Variants in PRKCA observed in about 807,000 individuals in gnomAD.
The protein encoded by PRKCA is protein kinase C alpha type.
PRKCA carries 27 observed loss-of-function variants against 87.0 expected under a neutral mutation model. That is an observed-to-expected ratio of 0.31 (90% CI 0.23 to 0.43). PRKCA has a LOEUF of 0.43. Ranked by LOEUF, PRKCA falls within the 20% of genes least tolerant of loss-of-function variation. The pLI, the probability that PRKCA is intolerant of heterozygous loss-of-function variation, is 1.00. For missense variants in PRKCA, 518 were observed against 852.3 expected (o/e 0.61, Z 4.88); for synonymous variants, 329 against 311.1 (o/e 1.06, Z -0.61).
At chr17:66,394,924 G>A (rs532933159) in intron 2 of PRKCA, among the ~76,000 whole-genome samples, 1 of 152,248 alleles carries the variant, frequency 6.6e-6, no homozygotes, top group Non-Finnish European at 1.5e-5. Context: ...ACTGTGGGTC[G>A]GTTAAACTGC....
intron 5 of PRKCA, chr17:66,676,458 C>T (rs917102811): frequency 1.3e-5 from 2 of 152,302 alleles, no homozygotes; most frequent in African/African-American, 2.4e-5. Flanking sequence ...CCACACCAGG[C>T]TTGCCCCGAC....
intron 8 of PRKCA, among the ~76,000 whole-genome samples, chr17:66,708,634 G>A (rs1019540189): frequency 6.6e-5 from 10 of 152,160 alleles, no homozygotes; most frequent in African/African-American, 2.2e-4. Context: ...TATTGCAGAT[G>A]GCAGTTGGAG....
At chr17:66,515,491 A>G (rs1270186468) in intron 3 of PRKCA, among the ~76,000 whole-genome samples, 1 of 152,126 alleles carries the variant, frequency 6.6e-6, no homozygotes, top group Non-Finnish European at 1.5e-5. Flanking sequence ...GAGTTTCTTG[A>G]TCTGCTGATG....
intron 6 of PRKCA, 148 bp from the exon 7 acceptor site, chr17:66,688,154 C>A: frequency 1.1e-6 from 1 of 935,878 alleles, no homozygotes; most frequent in Non-Finnish European, 1.6e-6. Flanking sequence ...TAGCGCTTTG[C>A]TTGCCAGCAT....
In PRKCA at chr17:66,688,285, G is replaced by A. The variant is rs770433964; in HGVS notation, c.687-17G>A. ...GATCAAGATAACCTAGTGTTTGCAT[G>A]TGTGTGTGTCTTGTAGCAAATTGAA... On this transcript the variant is annotated splice_polypyrimidine_tract_variant and intron_variant, in intron 6 of 16. Coordinates refer to ENST00000413366, the MANE Select transcript of PRKCA (RefSeq NM_002737.3). 1.1e-5 allele frequency: 17 copies of A among 1,609,886 alleles called. No homozygotes were observed. Among genetic ancestry groups the A allele is most frequent in the Admixed American group, 3.3e-5 (2 of 59,846 alleles).
chr17:66,780,899 G>A (rs1027793412), intron 14 of PRKCA, among the ~76,000 whole-genome samples: 3 of 152,002 alleles, frequency 2.0e-5, no homozygotes, highest in South Asian at 2.1e-4. Flanking sequence ...CTTGAGGTCA[G>A]GAGTTCAAGA....
intron 2 of PRKCA, among the ~76,000 whole-genome samples, chr17:66,443,165 G>T (rs993064907): frequency 4.6e-5 from 7 of 152,166 alleles, no homozygotes; most frequent in African/African-American, 1.2e-4. Context: ...GTCCATGAGG[G>T]TCTGGAATCA....
At chr17:66,422,721 G>A (rs1912558892) in intron 2 of PRKCA, among the ~76,000 whole-genome samples, 1 of 152,104 alleles carries the variant, frequency 6.6e-6, no homozygotes. Context: ...TTTATATACC[G>A]TGACACTCTT....
At chr17:66,678,588 A>G (rs1210237079) in intron 5 of PRKCA, among the ~76,000 whole-genome samples, 1 of 151,972 alleles carries the variant, frequency 6.6e-6, no homozygotes, top group Non-Finnish European at 1.5e-5. Flanking sequence ...TTCATCTGGC[A>G]GGCACCCCAC....
intron 2 of PRKCA, among the ~76,000 whole-genome samples, chr17:66,389,349 G>A (rs1277037353): frequency 2.6e-5 from 4 of 152,202 alleles, no homozygotes; most frequent in Non-Finnish European, 5.9e-5. Context: ...GCAGCGTAGT[G>A]GATGGGGAGG....
intron 2 of PRKCA, among the ~76,000 whole-genome samples, chr17:66,465,895 G>A (rs1915064013): frequency 6.6e-6 from 1 of 151,884 alleles, no homozygotes; most frequent in South Asian, 2.1e-4. Context: ...CTTTCTTATT[G>A]TGTAAGATTT....
intron 5 of PRKCA, 46 bp from the exon 6 acceptor site, chr17:66,687,065 A>G (rs1972649110): frequency 1.3e-6 from 2 of 1,514,864 alleles, no homozygotes; most frequent in Non-Finnish European, 1.8e-6. Context: ...CGGGCAATAT[A>G]GGTCTGTTCT....
At chr17:66,715,767 G>A (rs1209249300) in intron 8 of PRKCA, among the ~76,000 whole-genome samples, 2 of 151,744 alleles carry the variant, frequency 1.3e-5, no homozygotes, top group Non-Finnish European at 2.9e-5. Flanking sequence ...ATACAATTTT[G>A]TGTCTTGTTT....
chr17:66,645,655 G>A lies in PRKCA; in HGVS notation c.529+144G>A, dbSNP rs1402592207. 6.5e-6 allele frequency: 8 copies of A among 1,231,376 alleles called. No homozygotes were observed. In the East Asian group the frequency reaches 1.9e-4, roughly 29 times the overall value. The allele number at this position is 1,231,376 out of a possible 1,614,324, so 76.3% of individuals were successfully genotyped here. ...CCCTGGTGGAGCCATCACTGTCTCA[G>A]AGCCCTCCAGCCCTCTGAGCCCTCG... On this transcript the variant is annotated intron_variant, in intron 5 of 16. Coordinates refer to ENST00000413366, the MANE Select transcript of PRKCA (RefSeq NM_002737.3).
In PRKCA at chr17:66,466,881, A is replaced by C. The variant is rs202224506; in HGVS notation, c.206-29320A>C. 3.3e-5 allele frequency among the ~76,000 whole-genome samples: 5 copies of C among 152,128 alleles called. No individual in the cohort carries two copies. In the East Asian group the frequency reaches 9.6e-4, roughly 29 times the overall value. ...GTGACCTCTTCCTTCATTTAAAAAA[A>C]AAAAAGACTTAAATTACTCATGCCC... is the stretch of plus-strand genomic sequence containing the variant. On this transcript the variant is annotated intron_variant, in intron 2 of 16. Transcript: ENST00000413366.
At chr17:66,791,884 T>G (rs1400740191) in intron 16 of PRKCA, among the ~76,000 whole-genome samples, 1 of 152,206 alleles carries the variant, frequency 6.6e-6, no homozygotes, top group African/African-American at 2.4e-5. Context: ...TGGTGAAAAA[T>G]GTACTGTAGT....
At chr17:66,638,491 T>A (rs1393395718) in intron 3 of PRKCA, 1 of 152,122 alleles carries the variant, frequency 6.6e-6, no homozygotes, top group Non-Finnish European at 1.5e-5. Context: ...TTTTTATAAG[T>A]TCTGGGTGGT....
intron 2 of PRKCA, among the ~76,000 whole-genome samples, chr17:66,489,352 C>CATATATATAT (rs10529618): frequency 1.9e-4 from 19 of 98,964 alleles, no homozygotes; most frequent in East Asian, 6.1e-4. Flanking sequence ...CTTAGCAGTG[C>CATATATATAT]ATATATATAT....
chr17:66,408,124 A>G (rs1911528988), intron 2 of PRKCA, among the ~76,000 whole-genome samples: 1 of 152,258 alleles, frequency 6.6e-6, no homozygotes, highest in Non-Finnish European at 1.5e-5. Context: ...GATATACAGC[A>G]TAAGAAAGAT....
Sources: gnomAD v4.1 joint callset for allele counts (sites outside exome capture counted in the v4.1 genomes callset) on GRCh38, gnomAD v4.1.1 for gene constraint, MANE v1.5 for transcripts, NCBI Gene and HGNC (gene_info 2026-07-23, HGNC 2026-07-21) for gene names.